Variants in EFCAB7 observed in about 807,000 individuals in gnomAD.
The protein encoded by EFCAB7 is EF-hand calcium-binding domain-containing protein 7.
Under a neutral mutation model 77.1 loss-of-function variants are expected in EFCAB7, and 66 were observed. That is an observed-to-expected ratio of 0.86 (90% confidence interval 0.70 to 1.05). The LOEUF is 1.05. EFCAB7 is among the 50% of genes least tolerant of loss of function. EFCAB7 has a pLI of 0.00. For missense variants in EFCAB7, 638 were observed against 730.5 expected (o/e 0.87, Z 1.46); for synonymous variants, 225 against 243.3 (o/e 0.92, Z 0.70).
chr1:63,572,305 C>A, intron 13 of EFCAB7, 137 bp from the exon 14 acceptor site: 1 of 617,398 alleles, frequency 1.6e-6, no homozygotes, highest in Non-Finnish European at 2.6e-6. Context: ...CTAGTCTCTG[C>A]TAAGGACAAA....
rs149903893 is a variant in EFCAB7, at chr1:63,536,167, T to C, written c.804+1951T>C. Among the ~76,000 whole-genome samples, 17 of 152,342 alleles carry C rather than the reference T, an allele frequency of 1.1e-4. No individual in the cohort carries two copies. In the East Asian group the frequency reaches 3.1e-3, roughly 28 times the overall value. On this transcript the variant is annotated intron_variant, in intron 6 of 13. Coordinates refer to ENST00000371088, the MANE Select transcript of EFCAB7 (RefSeq NM_032437.4). ...AAAGGGCATACTGTCAACTTTTTAA[T>C]ACTGTGAGTTTCATATAAAATGTAA... is the stretch of plus-strand genomic sequence containing the variant.
intron 1 of EFCAB7, 27 bp from the exon 2 acceptor site, chr1:63,525,545 A>G: frequency 1.4e-6 from 2 of 1,442,248 alleles, no homozygotes. Context: ...ACATTGACAA[A>G]CACATTTTTA....
Position 63,534,139 on chromosome 1 carries a change from A to T in EFCAB7, c.727A>T (p.Thr243Ser). The T allele has an allele frequency of 6.2e-7, 1 of 1,613,426 alleles. No homozygotes were observed. Among genetic ancestry groups the T allele is most frequent in the Non-Finnish European group, 8.5e-7 (1 of 1,179,550 alleles). ...SLLSATRKFK[T>S]SVSFTVTMGA... ...ACTGTCAGCAACCAGGAAGTTCAAA[A>T]CATCTGTTTCCTTCACAGTTACCAT... Residue 243 changes from threonine (T) to serine (S), a missense_variant, in exon 6 of 14, where the codon ACA becomes TCA. Transcript: ENST00000371088.
chr1:63,567,659 C>T (rs1020321486), intron 11 of EFCAB7, among the ~76,000 whole-genome samples: 1 of 152,012 alleles, frequency 6.6e-6, no homozygotes, highest in Non-Finnish European at 1.5e-5. Flanking sequence ...GAGAACACTA[C>T]GTATGAAGGG....
chr1:63,566,674 T>C (rs1410117562), intron 11 of EFCAB7, among the ~76,000 whole-genome samples: 2 of 152,008 alleles, frequency 1.3e-5, no homozygotes, highest in Non-Finnish European at 2.9e-5. Context: ...AATAAACCTT[T>C]AAAAATGCCA....
intron 11 of EFCAB7, among the ~76,000 whole-genome samples, chr1:63,565,144 A>AGACATCCTGGCT (rs1553174127): frequency 6.6e-6 from 1 of 152,138 alleles, no homozygotes; most frequent in Non-Finnish European, 1.5e-5. Flanking sequence ...CAGGAGATCA[A>AGACATCCTGGCT]GACATCCTGG....
At chr1:63,584,467 A>C in the EFCAB7 span, among the ~76,000 whole-genome samples, 4 of 152,290 alleles carry the variant, frequency 2.6e-5, no homozygotes, top group South Asian at 8.3e-4. Flanking sequence ...CCAGAGGATC[A>C]CTTGAGCCCA....
At chr1:63,581,405 AG>A in the EFCAB7 span, among the ~76,000 whole-genome samples, 89 of 132,306 alleles carry the variant, frequency 6.7e-4, no homozygotes, top group African/African-American at 2.4e-3. Context: ...AAAAAAAAAA[AG>A]GGTGGATGCT....
rs74078275 is a variant in EFCAB7 at position 63,572,293 on chromosome 1, T to C, written c.1816-149T>C. 5.9e-3 allele frequency: 3,161 copies of C among 536,564 alleles called. 97 individuals are homozygous for C. The highest frequency in any genetic ancestry group is 0.058 in the African/African-American group (2,853 of 49,218). 33.2% of individuals were successfully genotyped at this position (536,564 alleles called of 1,614,324 possible). On this transcript the variant is annotated intron_variant, in intron 13 of 13. Transcript: ENST00000371088. ...TCCTGTTAGACCTCAGATCATAGAT[T>C]GCTAGTCTCTGCTAAGGACAAATAT...
At chr1:63,568,556 A>C in intron 12 of EFCAB7, 37 bp downstream of exon 12, 1 of 1,490,284 alleles carries the variant, frequency 6.7e-7, no homozygotes, top group Non-Finnish European at 9.3e-7. Flanking sequence ...ATTTTGCTAC[A>C]AAGCTTACTA....
At chr1:63,554,052 G>C (rs1646997892) in intron 8 of EFCAB7, among the ~76,000 whole-genome samples, 2 of 151,910 alleles carry the variant, frequency 1.3e-5, no homozygotes, top group Admixed American at 1.3e-4. Flanking sequence ...CCAATTCCTA[G>C]CTTCAAGCAA....
At chr1:63,526,524 A>G (rs1351836450) in intron 2 of EFCAB7, among the ~76,000 whole-genome samples, 2 of 152,236 alleles carry the variant, frequency 1.3e-5, no homozygotes, top group Non-Finnish European at 2.9e-5. Context: ...TTTGTATCCA[A>G]TAAGATCTAT....
intron 1 of EFCAB7, among the ~76,000 whole-genome samples, chr1:63,525,023 T>G (rs1646560197): frequency 6.6e-6 from 1 of 152,236 alleles, no homozygotes; most frequent in South Asian, 2.1e-4. Context: ...ATCTTGTTGA[T>G]CCTGCTGTGG....
chr1:63,524,807 G>A (rs1352321553), intron 1 of EFCAB7, among the ~76,000 whole-genome samples: 1 of 151,926 alleles, frequency 6.6e-6, no homozygotes, highest in African/African-American at 2.4e-5. Flanking sequence ...CTGTAAAACG[G>A]ACAAAAAAAT....
chr1:63,568,486 T>C lies in EFCAB7; in HGVS notation c.1674T>C (p.Cys558=), dbSNP rs1647195556. Reference sequence around the variant, plus strand: ...ATATAATCGTGCATACTTACAGTTGTGACACCTGGATAACGTCAGTTATTG... The same window carrying C: ...ATATAATCGTGCATACTTACAGTTGCGACACCTGGATAACGTCAGTTATTG... ...YENIIVHTYS[C]DTWITSVIEN... The change falls in exon 12 of 14, where the codon TGT becomes TGC. Residue 558 remains cysteine (C), a synonymous_variant. Coordinates refer to ENST00000371088, the MANE Select transcript of EFCAB7 (RefSeq NM_032437.4). 6.3e-7 allele frequency: 1 copy of C among 1,598,956 alleles called. No individual in the cohort carries two copies. Among genetic ancestry groups the C allele is most frequent in the Non-Finnish European group, 8.5e-7 (1 of 1,175,426 alleles).
chr1:63,536,941 T>G (rs1410193615), intron 6 of EFCAB7, among the ~76,000 whole-genome samples: 2 of 152,160 alleles, frequency 1.3e-5, no homozygotes, highest in Non-Finnish European at 2.9e-5. Context: ...CAACTTCATG[T>G]GGAACAGAAA....
At chr1:63,562,701 G>T (rs1647124202) in intron 11 of EFCAB7, among the ~76,000 whole-genome samples, 1 of 148,948 alleles carries the variant, frequency 6.7e-6, no homozygotes, top group Non-Finnish European at 1.5e-5. Context: ...AGAGATGGGG[G>T]TCTCACTGTT....
At chr1:63,553,168 C>T (rs922687284) in intron 8 of EFCAB7, among the ~76,000 whole-genome samples, 3 of 152,034 alleles carry the variant, frequency 2.0e-5, no homozygotes, top group African/African-American at 7.2e-5. Flanking sequence ...AAAAACTTTC[C>T]ATTTGTCATC....
chr1:63,568,583 T>A, intron 12 of EFCAB7, 64 bp downstream of exon 12: 1 of 1,274,918 alleles, frequency 7.8e-7, no homozygotes, highest in Non-Finnish European at 1.1e-6. Flanking sequence ...TTCATCTTAT[T>A]CCTTACTCTA....
Sources: gnomAD v4.1 joint callset for allele counts (sites outside exome capture counted in the v4.1 genomes callset) on GRCh38, gnomAD v4.1.1 for gene constraint, MANE v1.5 for transcripts, NCBI Gene and HGNC (gene_info 2026-07-23, HGNC 2026-07-21) for gene names.